COL14A1: variants seen among roughly 807,000 people sequenced by gnomAD.
COL14A1 encodes collagen alpha-1(XIV) chain.
COL14A1 carries 136 observed loss-of-function variants against 230.3 expected under a neutral mutation model. That is an observed-to-expected ratio of 0.59 (90% CI 0.51 to 0.68). COL14A1 has a LOEUF of 0.68. COL14A1 is among the 30% of genes least tolerant of loss of function. The pLI, the probability that COL14A1 is intolerant of heterozygous loss-of-function variation, is 0.00. For synonymous variants in COL14A1, 792 were observed against 784.1 expected, an observed-to-expected ratio of 1.01 and a Z score of -0.17; for missense variants, 1,976 against 2,215.8, an observed-to-expected ratio of 0.89 and a Z score of 2.17.
At chr8:120,184,436 G>A (rs930995527) in intron 5 of COL14A1, among the ~76,000 whole-genome samples, 32 of 151,990 alleles carry the variant, frequency 2.1e-4, no homozygotes, top group African/African-American at 5.8e-4. Context: ...TGTATTTTTA[G>A]TAGAGATGGG....
At chr8:120,283,972 TC>T (rs1270842374) in intron 32 of COL14A1, among the ~76,000 whole-genome samples, 194 bp downstream of exon 32, 3 of 152,158 alleles carry the variant, frequency 2.0e-5, no homozygotes, top group African/African-American at 7.2e-5. Flanking sequence ...TTTCTTGAGT[TC>T]CTATTTTGTG....
chr8:120,255,897 A>G (rs1284473606), intron 23 of COL14A1, among the ~76,000 whole-genome samples: 2 of 152,004 alleles, frequency 1.3e-5, no homozygotes, highest in Non-Finnish European at 2.9e-5. Context: ...ATGTACATCC[A>G]CAATTTGGGA....
intron 45 of COL14A1, among the ~76,000 whole-genome samples, chr8:120,364,990 C>T (rs1241890621): frequency 6.7e-6 from 1 of 148,832 alleles, no homozygotes; most frequent in Admixed American, 6.7e-5. Context: ...TTTTCTAAGG[C>T]ATTTCAAGGG....
At chr8:120,200,715 TTATATATA>T (rs34177030) in intron 8 of COL14A1, among the ~76,000 whole-genome samples, 1,393 of 85,310 alleles carry the variant, frequency 0.016, 17 homozygotes, top group African/African-American at 0.025. Context: ...GTTTTCCTAT[TTATATATA>T]TATATATATA....
rs751108243 is a variant in COL14A1, at chr8:120,345,542, C to A, written c.5056C>A (p.Pro1686Thr). 6.4e-6 allele frequency: 10 copies of A among 1,555,742 alleles called. No individual in the cohort carries two copies. In the East Asian group the frequency reaches 2.4e-4, roughly 37 times the overall value. Residue 1686 changes from proline (P) to threonine (T), a missense_variant, in exon 45 of 48, where the codon CCA (proline) becomes ACA (threonine). Physicochemically the swap from Pro to Thr is conservative, Grantham distance 38. Transcript: ENST00000297848. ...AGGCTTCCCCGGAAATGCAGGCGTG[C>A]CAGGGACCCCAGGAGAACGAGGTAA... ...TPGFPGNAGV[P>T]GTPGERGLTG...
chr8:120,259,978 C>G (rs1819272975), intron 23 of COL14A1, among the ~76,000 whole-genome samples: 1 of 152,128 alleles, frequency 6.6e-6, no homozygotes, highest in Non-Finnish European at 1.5e-5. Context: ...CTAAATTTTA[C>G]TTACTATCAA....
intron 20 of COL14A1, among the ~76,000 whole-genome samples, chr8:120,245,339 A>G (rs1189755346): frequency 6.6e-6 from 1 of 152,148 alleles, no homozygotes; most frequent in African/African-American, 2.4e-5. Context: ...GGGCCTCATC[A>G]ATACTGTTCA....
intron 5 of COL14A1, among the ~76,000 whole-genome samples, chr8:120,171,932 T>A (rs1338847647): frequency 1.3e-5 from 2 of 152,170 alleles, no homozygotes; most frequent in African/African-American, 4.8e-5. Flanking sequence ...TTTAGGACAC[T>A]AGATCTCTTC....
intron 27 of COL14A1, 74 bp downstream of exon 27, chr8:120,278,308 T>C (rs1014144822): frequency 2.0e-6 from 3 of 1,512,398 alleles, no homozygotes; most frequent in Non-Finnish European, 2.7e-6. Context: ...CCTTTTATTT[T>C]AAGGCATAGT....
intron 40 of COL14A1, among the ~76,000 whole-genome samples, chr8:120,331,787 C>T (rs1412554512): frequency 6.6e-6 from 1 of 152,188 alleles, no homozygotes; most frequent in South Asian, 2.1e-4. Flanking sequence ...TCTCTTAGGT[C>T]ATGAAAGATA....
chr8:120,251,657 C>T lies in COL14A1; in HGVS notation c.2752+891C>T, dbSNP rs545723257. Among the ~76,000 whole-genome samples, 19 of 152,288 alleles carry T rather than the reference C, an allele frequency of 1.2e-4. No individual in the cohort carries two copies. In the East Asian group the frequency reaches 2.5e-3, roughly 20 times the overall value. On this transcript the variant is annotated intron_variant, in intron 22 of 47. Transcript: ENST00000297848. The stretch of plus-strand genomic sequence containing the variant: ...TGATCTGTTTATTTATTTGGATTGA[C>T]TTACAGTTTTTGACCTAAATACTTT...
rs960693953 is a variant in COL14A1 at position 120,275,244 on chromosome 8, A to T, written c.3214-2867A>T. 1.4e-4 allele frequency among the ~76,000 whole-genome samples: 22 copies of T among 152,070 alleles called. 1 individual carries two copies. Among genetic ancestry groups the T allele is most frequent in the Admixed American group, 1.1e-3 (17 of 15,214 alleles). ...AACATTCAAAAACATAAATTGGGGA[A>T]ATGACACCCTATTTAATAAATGGCA... On this transcript the variant is annotated intron_variant, in intron 26 of 47. Coordinates refer to ENST00000297848, the MANE Select transcript of COL14A1 (RefSeq NM_021110.4).
At chr8:120,276,901 G>A (rs1819872092) in intron 26 of COL14A1, among the ~76,000 whole-genome samples, 1 of 152,056 alleles carries the variant, frequency 6.6e-6, no homozygotes. Flanking sequence ...GCTGAGGCAT[G>A]TCAGAAAGAA....
chr8:120,152,393 C>G (rs1044799931), intron 2 of COL14A1, among the ~76,000 whole-genome samples: 5 of 142,960 alleles, frequency 3.5e-5, no homozygotes, highest in Non-Finnish European at 6.0e-5. Context: ...TGGCGTGAAC[C>G]TGGGAGGCGG....
At chr8:120,249,122 G>T (rs1293023337) in intron 21 of COL14A1, among the ~76,000 whole-genome samples, 2 of 148,148 alleles carry the variant, frequency 1.3e-5, no homozygotes, top group African/African-American at 2.5e-5. Flanking sequence ...AGTAGAGACG[G>T]GGTTTCACCG....
intron 40 of COL14A1, among the ~76,000 whole-genome samples, chr8:120,323,125 C>T (rs183334661): frequency 1.3e-5 from 2 of 152,116 alleles, no homozygotes; most frequent in Middle Eastern, 3.4e-3. Flanking sequence ...GGTGTGAGAT[C>T]GCATCTCATT....
chr8:120,261,956 G>C (rs1324110121), intron 23 of COL14A1, among the ~76,000 whole-genome samples: 1 of 152,140 alleles, frequency 6.6e-6, no homozygotes, highest in African/African-American at 2.4e-5. Flanking sequence ...GGTGGTCCCA[G>C]TGCTGCTGCA....
chr8:120,283,558 A>G (rs1820104106), intron 31 of COL14A1, 78 bp from the exon 32 acceptor site: 1 of 1,442,990 alleles, frequency 6.9e-7, no homozygotes. Flanking sequence ...TGTAATGAAA[A>G]TGTATTTGCT....
intron 28 of COL14A1, 90 bp from the exon 29 acceptor site, chr8:120,279,843 CAT>C: frequency 4.3e-6 from 6 of 1,402,138 alleles, no homozygotes; most frequent in South Asian, 1.4e-5. Flanking sequence ...CCTAAATAAA[CAT>C]ATTTTAAACA....
Sources: allele counts gnomAD v4.1 joint callset (sites outside exome capture counted in the v4.1 genomes callset), GRCh38; gene constraint gnomAD v4.1.1; transcripts MANE v1.5; gene names NCBI Gene and HGNC (gene_info 2026-07-23, HGNC 2026-07-21).